Variants in CALHM2 observed in about 807,000 individuals in gnomAD.
The protein encoded by CALHM2 is calcium homeostasis modulator family member 2, also known as calcium homeostasis modulator protein 2.
In CALHM2, 18 loss-of-function variants were observed where a neutral mutation model predicts 20.4. That is an observed-to-expected ratio of 0.88 (90% CI 0.61 to 1.31). CALHM2 has a LOEUF of 1.31. Among genes scored for constraint, CALHM2 ranks in the 50% most tolerant of loss-of-function variants. The pLI is 0.00. For synonymous variants in CALHM2, 193 were observed against 192.1 expected (o/e 1.00, Z -0.04); for missense variants, 411 against 435.7 (o/e 0.94, Z 0.50).
Position 103,447,448 on chromosome 10 carries a change from T to G in CALHM2, c.676A>C (p.Asn226His), listed in dbSNP as rs199997973. ...GTGCGCTGGAACAGCTGGTCCTCATTGGCGCGGTACTGCGCCCAGTAGGCC... is the reference window on the plus strand; with the variant it reads ...GTGCGCTGGAACAGCTGGTCCTCATGGGCGCGGTACTGCGCCCAGTAGGCC... Reference protein sequence around the residue: ...QEAYWAQYRANEDQLFQRTAE... With the variant: ...QEAYWAQYRAHEDQLFQRTAE... Residue 226 changes from asparagine (N) to histidine (H), a missense_variant, in exon 4 of 4, where the codon AAT becomes CAT. Transcript: ENST00000260743. 64 of 1,614,070 alleles carry G rather than the reference T, an allele frequency of 4.0e-5. No individual in the cohort carries two copies. The highest frequency in any genetic ancestry group is 8.5e-6 in the Non-Finnish European group (10 of 1,180,036).
chr10:103,449,877 A>G lies in CALHM2; in HGVS notation c.65T>C (p.Met22Thr), dbSNP rs749420870. The change falls in exon 3 of 4, where the codon ATG (methionine) becomes ACG (threonine). Residue 22 changes from methionine to threonine, a missense_variant. Met to Thr is a moderately conservative substitution (Grantham distance 81, BLOSUM62 -1). Transcript: ENST00000260743. ...LSLFFKSKDV[M>T]IFNGLVALGT... ...CAGTGCCACCAGGCCGTTGAAAATC[A>G]TCACATCCTTGCTCTTGAAGAAAAG... 8 of 1,613,260 alleles carry G rather than the reference A, an allele frequency of 5.0e-6. No homozygotes were observed. Among genetic ancestry groups the G allele is most frequent in the Non-Finnish European group, 5.9e-6 (7 of 1,179,990 alleles).
chr10:103,449,298 A>G, intron 3 of CALHM2, 89 bp downstream of exon 3: 1 of 1,194,634 alleles, frequency 8.4e-7, no homozygotes, highest in African/African-American at 1.5e-5. Flanking sequence ...GCCCCTGAGG[A>G]CCAACCCCAG....
intron 3 of CALHM2, among the ~76,000 whole-genome samples, chr10:103,448,683 T>C (rs1221245877): frequency 2.7e-5 from 4 of 150,332 alleles, no homozygotes; most frequent in Non-Finnish European, 5.9e-5. Context: ...ATCGTGCCAC[T>C]GCACTCCAAC....
In CALHM2 at chr10:103,446,853, G is replaced by C. The variant is rs2032652305; in HGVS notation, c.*299C>G. 3.1e-6 allele frequency: 1 copy of C among 322,944 alleles called. No homozygotes were observed. Among genetic ancestry groups the C allele is most frequent in the Non-Finnish European group, 5.6e-6 (1 of 178,982 alleles). 20.0% of individuals were successfully genotyped at this position (322,944 alleles called of 1,614,324 possible). Reference sequence around the variant, plus strand: ...AAATAAGGCCAGAGGCTGCACTGGAGGCCACTTCCCAGTGGTGCACTGCTG... The same window carrying C: ...AAATAAGGCCAGAGGCTGCACTGGACGCCACTTCCCAGTGGTGCACTGCTG... On this transcript the variant is annotated 3_prime_UTR_variant, in exon 4 of 4. Coordinates refer to ENST00000260743, the MANE Select transcript of CALHM2 (RefSeq NM_015916.5).
chr10:103,447,660 G>A, intron 3 of CALHM2, 92 bp from the exon 4 acceptor site: 1 of 1,100,154 alleles, frequency 9.1e-7, no homozygotes, highest in Non-Finnish European at 1.3e-6. Context: ...GTTCTGCTTG[G>A]GTAAGAGAAG....
Position 103,447,351 on chromosome 10 carries a change from T to C in CALHM2, c.773A>G (p.Lys258Arg), listed in dbSNP as rs1203556386. ...RRFFGFVALN[K>R]DDEELIANFP... ...GTTGGCAATCAGTTCCTCATCATCCTTGTTGAGCGCCACAAAGCCAAAGAA... is the reference window on the plus strand; with the variant it reads ...GTTGGCAATCAGTTCCTCATCATCCCTGTTGAGCGCCACAAAGCCAAAGAA... The change falls in exon 4 of 4, where the codon AAG (lysine) becomes AGG (arginine). Residue 258 changes from lysine to arginine, a missense_variant. Transcript: ENST00000260743. The C allele has an allele frequency of 1.9e-6, 3 of 1,614,128 alleles. No homozygotes were observed. In the African/African-American group the frequency reaches 4.0e-5, roughly 22 times the overall value.
intron 3 of CALHM2, among the ~76,000 whole-genome samples, chr10:103,448,855 GACCA>G (rs1376246901): frequency 6.6e-6 from 1 of 152,014 alleles, no homozygotes; most frequent in Non-Finnish European, 1.5e-5. Flanking sequence ...TCTGTCCCTT[GACCA>G]ACCTCCTCTC....
Position 103,449,467 on chromosome 10 carries a change from T to C in CALHM2, c.475A>G (p.Arg159Gly). Residue 159 changes from arginine to glycine, a missense_variant, in exon 3 of 4, where the codon AGG becomes GGG. By Grantham distance (125) the Arg-to-Gly change is moderately radical. Coordinates refer to ENST00000260743, the MANE Select transcript of CALHM2 (RefSeq NM_015916.5). ...TCAGGGTTCTCCTTGCAGGGGAACC[T>C]GGCCAGGATTTCAGTGGCGTGGGCT... ...PSAHATEILA[R>G]FPCKENPDNL... The C allele has an allele frequency of 1.2e-6, 2 of 1,613,390 alleles. No homozygotes were observed. Among genetic ancestry groups the C allele is most frequent in the Non-Finnish European group, 1.7e-6 (2 of 1,180,016 alleles).
rs139438760 is a variant in CALHM2, at chr10:103,447,500, G to A, written c.624C>T (p.Tyr208=). 6.2e-7 allele frequency: 1 copy of A among 1,613,224 alleles called. No homozygotes were observed. The highest frequency in any genetic ancestry group is 8.5e-7 in the Non-Finnish European group (1 of 1,179,408). ...LVFLTKCLKH[Y]CSPLSYRQEA... ...CCTGGCGGTAGCTGAGTGGTGAGCA[G>A]TAATGCTTGAGGCACTTGGTCAGGA... Residue 208 remains tyrosine (Y), a synonymous_variant, in exon 4 of 4, where the codon TAC becomes TAT. Coordinates refer to ENST00000260743, the MANE Select transcript of CALHM2 (RefSeq NM_015916.5).
At position 103,447,559 on chromosome 10, in the gene CALHM2, A is replaced by C. The variant is rs2032714290; in HGVS notation, c.565T>G (p.Trp189Gly). The part of the protein sequence containing the change: ...RLRYESQLFG[W>G]LLIGVVAILV... ...ATGGCCACCACGCCGATGAGCAGCC[A>C]TCCAAAGAGCTGGCCAGAGAATGGG... The change falls in exon 4 of 4, where the codon TGG (tryptophan) becomes GGG (glycine). Residue 189 changes from tryptophan (W) to glycine (G), a missense_variant. Coordinates refer to ENST00000260743, the MANE Select transcript of CALHM2 (RefSeq NM_015916.5). 6.3e-7 allele frequency: 1 copy of C among 1,592,210 alleles called. No homozygotes were observed. Among genetic ancestry groups the C allele is most frequent in the Non-Finnish European group, 8.6e-7 (1 of 1,166,730 alleles).
At chr10:103,448,734 GAAAA>G (rs891688050) in intron 3 of CALHM2, among the ~76,000 whole-genome samples, 2 of 149,734 alleles carry the variant, frequency 1.3e-5, no homozygotes, top group African/African-American at 4.9e-5. Context: ...AAAAAAAAAA[GAAAA>G]AAAAGAAAAC....
intron 3 of CALHM2, among the ~76,000 whole-genome samples, chr10:103,448,714 C>CT (rs1321896396): frequency 6.7e-6 from 1 of 150,274 alleles, no homozygotes; most frequent in Non-Finnish European, 1.5e-5. Context: ...GAGTGAGACT[C>CT]TGTCTCAAAA....
At position 103,449,452 on chromosome 10, in the gene CALHM2, C is replaced by T; in HGVS notation, c.490G>A (p.Glu164Lys). ...AAGTCTGACAGGTTGTCAGGGTTCT[C>T]CTTGCAGGGGAACCTGGCCAGGATT... ...TEILARFPCK[E>K]NPDNLSDFRE... Residue 164 changes from glutamate to lysine, a missense_variant, in exon 3 of 4, where the codon GAG becomes AAG. Coordinates refer to ENST00000260743, the MANE Select transcript of CALHM2 (RefSeq NM_015916.5). 4.3e-6 allele frequency: 7 copies of T among 1,613,262 alleles called. No homozygotes were observed. Among genetic ancestry groups the T allele is most frequent in the Non-Finnish European group, 5.9e-6 (7 of 1,180,030 alleles).
In CALHM2 at chr10:103,449,378, G is replaced by A. The variant is rs762811032; in HGVS notation, c.555+9C>T. On this transcript the variant is annotated intron_variant, in intron 3 of 3. Coordinates refer to ENST00000260743, the MANE Select transcript of CALHM2 (RefSeq NM_015916.5). Reference sequence around the variant, plus strand: ...GGGAAGAGGAGCTTCCCTTTGCACAGCTCCTTACCTGGGACTCATACCTGA... The same window carrying A: ...GGGAAGAGGAGCTTCCCTTTGCACAACTCCTTACCTGGGACTCATACCTGA... 1.2e-6 allele frequency: 2 copies of A among 1,610,850 alleles called. No individual in the cohort carries two copies. The highest frequency in any genetic ancestry group is 1.1e-5 in the South Asian group (1 of 90,942).
At position 103,447,558 on chromosome 10, in the gene CALHM2, C is replaced by T. The variant is rs150579832; in HGVS notation, c.566G>A (p.Trp189Ter). 1.9e-6 allele frequency: 3 copies of T among 1,592,204 alleles called. No homozygotes were observed. Among genetic ancestry groups the T allele is most frequent in the Non-Finnish European group, 2.6e-6 (3 of 1,166,794 alleles). Residue 189 changes from tryptophan to a stop codon, truncating the protein, a stop_gained, in exon 4 of 4, where the codon TGG (tryptophan) becomes TAG (stop). Transcript: ENST00000260743. LOFTEE classifies it high-confidence loss of function. ...GATGGCCACCACGCCGATGAGCAGC[C>T]ATCCAAAGAGCTGGCCAGAGAATGG... The part of the protein sequence containing the change: ...RLRYESQLFG[W>*]LLIGVVAILV...
At position 103,451,106 on chromosome 10, in the gene CALHM2, TC is replaced by T. The variant is rs2032957199; in HGVS notation, c.-183del. 1 of 152,308 alleles carries T rather than the reference TC, an allele frequency of 6.6e-6. No individual in the cohort carries two copies. Among genetic ancestry groups the T allele is most frequent in the African/African-American group, 2.4e-5 (1 of 41,438 alleles). The allele number at this position is 152,308 out of a possible 1,614,324, so 9.4% of individuals were successfully genotyped here. On this transcript the variant is annotated 5_prime_UTR_variant, in exon 2 of 4. Transcript: ENST00000260743. ...ACCTTGCCGTGTCCATCCACGGGTG[TC>T]CCGAAGAACCTCCTCTTCCGCAGCC...
chr10:103,449,553 C>A lies in CALHM2; in HGVS notation c.389G>T (p.Cys130Phe). The A allele has an allele frequency of 1.2e-6, 2 of 1,613,818 alleles. No homozygotes were observed. Among genetic ancestry groups the A allele is most frequent in the Non-Finnish European group, 1.7e-6 (2 of 1,180,050 alleles). Reference protein sequence around the residue: ...ISLLRGEAYVCALSEFVDPSS... With the variant: ...ISLLRGEAYVFALSEFVDPSS... Reference sequence around the variant, plus strand: ...AGGGTCCACGAACTCACTGAGAGCACAGACATAAGCCTCACCACGCAGCAG... The same window carrying A: ...AGGGTCCACGAACTCACTGAGAGCAAAGACATAAGCCTCACCACGCAGCAG... Residue 130 changes from cysteine (C) to phenylalanine (F), a missense_variant, in exon 3 of 4, where the codon TGT becomes TTT. Transcript: ENST00000260743.
Position 103,449,433 on chromosome 10 carries a change from G to T in CALHM2, c.509C>A (p.Ser170Ter). ...FPCKENPDNL[S>*]DFREEVSRRL... ...GCGGCTGACCTCCTCCCGGAAGTCTGACAGGTTGTCAGGGTTCTCCTTGCA... is the reference window on the plus strand; with the variant it reads ...GCGGCTGACCTCCTCCCGGAAGTCTTACAGGTTGTCAGGGTTCTCCTTGCA... The change falls in exon 3 of 4, where the codon TCA (serine) becomes TAA (stop). Residue 170 changes from serine to a stop codon, truncating the protein, a stop_gained. Coordinates refer to ENST00000260743, the MANE Select transcript of CALHM2 (RefSeq NM_015916.5). LOFTEE classifies it high-confidence loss of function. 1 of 1,613,256 alleles carries T rather than the reference G, an allele frequency of 6.2e-7. No individual in the cohort carries two copies. Among genetic ancestry groups the T allele is most frequent in the Non-Finnish European group, 8.5e-7 (1 of 1,180,038 alleles).
Position 103,449,897 on chromosome 10 carries a change from G to A in CALHM2, c.45C>T (p.Phe15=), listed in dbSNP as rs1237077162. 1.4e-5 allele frequency: 23 copies of A among 1,612,758 alleles called. No homozygotes were observed. Among genetic ancestry groups the A allele is most frequent in the Non-Finnish European group, 1.7e-5 (20 of 1,179,724 alleles). Residue 15 remains phenylalanine (F), a synonymous_variant, in exon 3 of 4, where the codon TTC becomes TTT. Transcript: ENST00000260743. ...AAATCATCACATCCTTGCTCTTGAA[G>A]AAAAGTGACAGGAAGCGGAAGTTCT... ...IAENFRFLSL[F]FKSKDVMIFN... is the part of the protein sequence containing the mutation.
Sources: allele counts gnomAD v4.1 joint callset (sites outside exome capture counted in the v4.1 genomes callset), GRCh38; gene constraint gnomAD v4.1.1; transcripts MANE v1.5; gene names NCBI Gene and HGNC (gene_info 2026-07-23, HGNC 2026-07-21).